Variants in IGDCC4 observed in about 807,000 individuals in gnomAD.
IGDCC4 encodes the protein immunoglobulin superfamily DCC subclass member 4, also known as likely ortholog of mouse neighbor of Punc E11.
Under a neutral mutation model 116.6 loss-of-function variants are expected in IGDCC4, and 72 were observed. That is an observed-to-expected ratio of 0.62 (90% CI 0.51 to 0.75). The LOEUF (loss-of-function observed/expected upper bound fraction) is 0.75. IGDCC4 is among the 30% of genes least tolerant of loss of function. IGDCC4 has a pLI of 0.00. For synonymous variants in IGDCC4, 709 were observed against 719.9 expected (o/e 0.98, Z 0.24); for missense variants, 1,501 against 1,662.4 (o/e 0.90, Z 1.69).
At chr15:65,406,741 T>C (rs1301779264) in intron 3 of IGDCC4, among the ~76,000 whole-genome samples, 4 of 152,152 alleles carry the variant, frequency 2.6e-5, no homozygotes. Flanking sequence ...CATGCGAGCC[T>C]AGCTTATTTA....
chr15:65,385,204 C>T, intron 18 of IGDCC4, 89 bp from the exon 19 acceptor site: 1 of 1,363,068 alleles, frequency 7.3e-7, no homozygotes, highest in Non-Finnish European at 9.8e-7. Flanking sequence ...GGATGGGCCG[C>T]GGGGGAGCAG....
At chr15:65,385,239 T>C (rs2140187198) in intron 18 of IGDCC4, 124 bp from the exon 19 acceptor site, 1 of 1,016,450 alleles carries the variant, frequency 9.8e-7, no homozygotes, top group East Asian at 2.8e-5. Flanking sequence ...CCCGCTGCTC[T>C]CTCCCTCTCC....
Position 65,409,202 on chromosome 15 carries a change from C to T in IGDCC4, c.563+976G>A, listed in dbSNP as rs547971098. Among the ~76,000 whole-genome samples the T allele has an allele frequency of 2.5e-4, 38 of 152,142 alleles. No individual in the cohort carries two copies. In the East Asian group the frequency reaches 3.9e-3, roughly 16 times the overall value. The stretch of plus-strand genomic sequence containing the variant: ...CAACTGTCCTGTGGCTTTTCTACCC[C>T]GAAGTTTCTCCTACAACCCCCATCC... On this transcript the variant is annotated intron_variant, in intron 3 of 19. Transcript: ENST00000352385.
Position 65,395,090 on chromosome 15 carries a change from C to T in IGDCC4, c.1576+4G>A, listed in dbSNP as rs747533886. The T allele has an allele frequency of 2.5e-6, 4 of 1,601,608 alleles. No homozygotes were observed. In the South Asian group the frequency reaches 3.3e-5, roughly 13 times the overall value. ...GCTGCCCACTGCGAGTTCAGAGGCC[C>T]TACCATCATCCAGTGTGTGCACCAG... On this transcript the variant is annotated splice_donor_region_variant and intron_variant, in intron 8 of 19. Coordinates refer to ENST00000352385, the MANE Select transcript of IGDCC4 (RefSeq NM_020962.3).
At chr15:65,420,644 T>TCCAC (rs1044179844) in intron 1 of IGDCC4, among the ~76,000 whole-genome samples, 3 of 149,638 alleles carry the variant, frequency 2.0e-5, no homozygotes, top group Admixed American at 2.0e-4. Context: ...CTGCCCCCCA[T>TCCAC]CCACCCCTTG....
chr15:65,407,876 C>T (rs1173603068), intron 3 of IGDCC4, among the ~76,000 whole-genome samples: 1 of 151,702 alleles, frequency 6.6e-6, no homozygotes. Context: ...CCTTGTGATC[C>T]GCCCGCCTCA....
intron 9 of IGDCC4, among the ~76,000 whole-genome samples, chr15:65,394,042 C>T (rs553388619): frequency 2.0e-5 from 3 of 152,194 alleles, no homozygotes; most frequent in Admixed American, 2.0e-4. Context: ...GCTCTGTTAC[C>T]CAGATGGGAG....
At chr15:65,422,595 G>A (rs973014116) in intron 1 of IGDCC4, among the ~76,000 whole-genome samples, 198 bp downstream of exon 1, 28 of 149,640 alleles carry the variant, frequency 1.9e-4, no homozygotes, top group Non-Finnish European at 7.4e-5. Flanking sequence ...CACACCCACT[G>A]CGGACAAGCA....
intron 3 of IGDCC4, among the ~76,000 whole-genome samples, chr15:65,408,841 T>C (rs1228638477): frequency 7.0e-4 from 103 of 147,130 alleles, no homozygotes; most frequent in African/African-American, 2.5e-3. Flanking sequence ...TCTCTCTCTT[T>C]TTTTTTTTTT....
Position 65,385,937 on chromosome 15 carries a change from T to TG in IGDCC4, c.3073dup (p.His1025ProfsTer17). The TG allele has an allele frequency of 6.5e-7, 1 of 1,543,400 alleles. No homozygotes were observed. Among genetic ancestry groups the TG allele is most frequent in the East Asian group, 2.5e-5 (1 of 40,320 alleles). The stretch of plus-strand genomic sequence containing the variant: ...GGGTGGCGGGGACCAGTCCTGGGGA[T>TG]GGGGGTGCACAAGGGACTCCAATTC... On this transcript the variant is annotated frameshift_variant, in exon 18 of 20. Coordinates refer to ENST00000352385, the MANE Select transcript of IGDCC4 (RefSeq NM_020962.3). LOFTEE classifies it high-confidence loss of function.
Position 65,386,634 on chromosome 15 carries a change from G to C in IGDCC4, c.2868C>G (p.Val956=). The change falls in exon 17 of 20, where the codon GTC becomes GTG. Residue 956 remains valine (V), a synonymous_variant. Coordinates refer to ENST00000352385, the MANE Select transcript of IGDCC4 (RefSeq NM_020962.3). ...KLSDSLDMHS[V]TGIIVGVCLG... The stretch of plus-strand genomic sequence containing the variant: ...GGCAGACACCCACGATGATGCCCGT[G>C]ACTGAGTGCATGTCCAGCGAGTCTG... 1.9e-6 allele frequency: 3 copies of C among 1,612,318 alleles called. No individual in the cohort carries two copies. Among genetic ancestry groups the C allele is most frequent in the Non-Finnish European group, 2.5e-6 (3 of 1,179,716 alleles).
chr15:65,398,876 C>A (rs1304694700), intron 5 of IGDCC4, among the ~76,000 whole-genome samples: 1 of 152,018 alleles, frequency 6.6e-6, no homozygotes, highest in Non-Finnish European at 1.5e-5. Flanking sequence ...GGCGACAGAG[C>A]GAGACTCTGT....
At chr15:65,396,220 C>T (rs1390137381) in intron 6 of IGDCC4, 57 bp from the exon 7 acceptor site, 68 of 1,322,822 alleles carry the variant, frequency 5.1e-5, no homozygotes, top group African/African-American at 9.9e-5. Flanking sequence ...GTCTCTGCCC[C>T]CCCCCCAGTA....
At chr15:65,416,552 C>T (rs965898751) in intron 1 of IGDCC4, among the ~76,000 whole-genome samples, 2 of 152,128 alleles carry the variant, frequency 1.3e-5, no homozygotes, top group Non-Finnish European at 2.9e-5. Context: ...GGGAGGGGAC[C>T]TTATTTGTCC....
At chr15:65,387,580 T>C (rs2091471719) in intron 16 of IGDCC4, among the ~76,000 whole-genome samples, 1 of 152,094 alleles carries the variant, frequency 6.6e-6, no homozygotes, top group African/African-American at 2.4e-5. Flanking sequence ...CTCGATCTCC[T>C]GACATCATGA....
intron 3 of IGDCC4, among the ~76,000 whole-genome samples, chr15:65,405,726 T>G (rs2140225218): frequency 6.6e-6 from 1 of 152,330 alleles, no homozygotes; most frequent in East Asian, 1.9e-4. Flanking sequence ...AGTAGGTGAC[T>G]TTTTTCCCCT....
intron 5 of IGDCC4, among the ~76,000 whole-genome samples, chr15:65,399,566 A>T (rs1047072011): frequency 6.6e-6 from 1 of 152,114 alleles, no homozygotes; most frequent in African/African-American, 2.4e-5. Flanking sequence ...GAATTAAGAA[A>T]TATTGACATT....
chr15:65,400,581 T>A (rs1358831838), intron 5 of IGDCC4, among the ~76,000 whole-genome samples: 1 of 152,192 alleles, frequency 6.6e-6, no homozygotes, highest in Non-Finnish European at 1.5e-5. Context: ...AGCTTGGAAG[T>A]GCTTTTGTAA....
intron 1 of IGDCC4, among the ~76,000 whole-genome samples, chr15:65,420,290 A>G (rs571173334): frequency 1.3e-5 from 2 of 152,196 alleles, no homozygotes; most frequent in South Asian, 2.1e-4. Flanking sequence ...AATTCAATCT[A>G]TCCTCAAGTT....
Sources: gnomAD v4.1 joint callset for allele counts (sites outside exome capture counted in the v4.1 genomes callset) on GRCh38, gnomAD v4.1.1 for gene constraint, MANE v1.5 for transcripts, NCBI Gene and HGNC (gene_info 2026-07-23, HGNC 2026-07-21) for gene names.